RGL1: variants seen among roughly 807,000 people sequenced by gnomAD.
RGL1 encodes the protein ral guanine nucleotide dissociation stimulator like 1, also known as ral guanine nucleotide dissociation stimulator-like 1.
In RGL1, 24 loss-of-function variants were observed where a neutral mutation model predicts 95.2. The observed-to-expected ratio is 0.25, with a 90% CI of 0.18 to 0.35. RGL1 has a LOEUF of 0.35. Ranked by LOEUF, RGL1 falls within the 10% of genes least tolerant of loss-of-function variation. The probability of loss-of-function intolerance (pLI) is 1.00; values close to 1 mark genes in which losing one functional copy is unlikely to be tolerated. For missense variants in RGL1, 715 were observed against 936.3 expected, an observed-to-expected ratio of 0.76 and a Z score of 3.08; for synonymous variants, 329 against 344.9, an observed-to-expected ratio of 0.95 and a Z score of 0.51.
At chr1:183,844,780 G>C (rs549216406) in intron 2 of RGL1, among the ~76,000 whole-genome samples, 1 of 152,316 alleles carries the variant, frequency 6.6e-6, no homozygotes, top group East Asian at 1.9e-4. Flanking sequence ...ACCCTGATCT[G>C]AGTCAACAGT....
intron 2 of RGL1, among the ~76,000 whole-genome samples, chr1:183,786,226 A>G (rs1660172574): frequency 1.3e-5 from 2 of 152,222 alleles, no homozygotes; most frequent in African/African-American, 2.4e-5. Context: ...ACATAGCAAG[A>G]TCCCATCTCT....
chr1:183,799,469 C>T (rs1161544504), intron 2 of RGL1, among the ~76,000 whole-genome samples: 3 of 152,164 alleles, frequency 2.0e-5, no homozygotes, highest in African/African-American at 7.2e-5. Flanking sequence ...TCCTCACCAA[C>T]ACTTGTTTGT....
At chr1:183,841,671 C>T (rs1218852209) in intron 2 of RGL1, among the ~76,000 whole-genome samples, 1 of 152,128 alleles carries the variant, frequency 6.6e-6, no homozygotes, top group Admixed American at 6.5e-5. Context: ...GTGTATTGGC[C>T]TTGTCATGTT....
chr1:183,911,935 T>G, intron 14 of RGL1, 147 bp from the exon 15 acceptor site: 2 of 686,966 alleles, frequency 2.9e-6, no homozygotes, highest in African/African-American at 1.8e-5. Context: ...TGTTAGAAAC[T>G]TTATAGCGAA....
intron 9 of RGL1, among the ~76,000 whole-genome samples, chr1:183,894,691 T>A (rs1359413473): frequency 2.0e-5 from 3 of 152,174 alleles, no homozygotes; most frequent in Non-Finnish European, 4.4e-5. Flanking sequence ...TATAATAGTT[T>A]CATTTTATTT....
intron 3 of RGL1, among the ~76,000 whole-genome samples, chr1:183,853,197 G>C (rs758709589): frequency 3.3e-5 from 5 of 152,130 alleles, no homozygotes; most frequent in Non-Finnish European, 5.9e-5. Context: ...TTAGCTGGGC[G>C]TGGTGGTGCA....
At position 183,926,499 on chromosome 1, in the gene RGL1, G is replaced by A. The variant is rs1669625011; in HGVS notation, c.*207G>A. On this transcript the variant is annotated 3_prime_UTR_variant, in exon 18 of 18. Transcript: ENST00000360851. Reference sequence around the variant, plus strand: ...ACATGAAAAGGATGAACGATTCACTGATTCTCTTTGACTCATTTGAGACTA... The same window carrying A: ...ACATGAAAAGGATGAACGATTCACTAATTCTCTTTGACTCATTTGAGACTA... 2.4e-6 allele frequency: 1 copy of A among 412,264 alleles called. No homozygotes were observed. 25.5% of individuals were successfully genotyped at this position (412,264 alleles called of 1,614,324 possible). A position where few individuals can be genotyped will look rare whatever the true frequency, so the allele number is the denominator to read the frequency against.
At chr1:183,718,268 G>A (rs114804740) in intron 1 of RGL1, among the ~76,000 whole-genome samples, 2,016 of 151,080 alleles carry the variant, frequency 0.013, 46 homozygotes, top group African/African-American at 0.047. Flanking sequence ...GAGAGAGCTT[G>A]TTTATGTATA....
intron 1 of RGL1, among the ~76,000 whole-genome samples, chr1:183,660,612 G>C (rs979552511): frequency 6.6e-6 from 1 of 151,482 alleles, no homozygotes; most frequent in Non-Finnish European, 1.5e-5. Flanking sequence ...AATAATGGGA[G>C]ACTTTAACAC....
upstream of RGL1, among the ~76,000 whole-genome samples, chr1:183,803,628 T>C (rs796178876): frequency 3.3e-5 from 5 of 152,330 alleles, no homozygotes; most frequent in African/African-American, 1.2e-4. Context: ...CTGCTTAATA[T>C]CCCTGAAATG....
chr1:183,660,855 GTC>G, intron 1 of RGL1, among the ~76,000 whole-genome samples: 1 of 152,228 alleles, frequency 6.6e-6, no homozygotes, highest in East Asian at 1.9e-4. Context: ...ATAACAAACT[GTC>G]TCTCAGACCA....
intron 1 of RGL1, among the ~76,000 whole-genome samples, chr1:183,728,401 A>C (rs1656431773): frequency 6.6e-6 from 1 of 152,174 alleles, no homozygotes; most frequent in South Asian, 2.1e-4. Context: ...ATACATATAT[A>C]GTTGGTTCTG....
intron 12 of RGL1, among the ~76,000 whole-genome samples, chr1:183,903,504 T>C (rs1464311447): frequency 1.3e-5 from 2 of 152,154 alleles, no homozygotes; most frequent in Non-Finnish European, 2.9e-5. Flanking sequence ...CCTGTAGTAC[T>C]CTCGTTATTT....
chr1:183,826,514 C>A (rs547355672), intron 2 of RGL1, among the ~76,000 whole-genome samples: 1 of 152,116 alleles, frequency 6.6e-6, no homozygotes, highest in Non-Finnish European at 1.5e-5. Flanking sequence ...AGAACAGCAC[C>A]TAGCCGATGG....
chr1:183,895,842 C>T (rs542209374), intron 9 of RGL1, among the ~76,000 whole-genome samples: 7 of 152,288 alleles, frequency 4.6e-5, no homozygotes, highest in Admixed American at 2.0e-4. Context: ...ATCTCATTCT[C>T]ATGAAATCAT....
At chr1:183,838,777 A>G (rs1172332517) in intron 2 of RGL1, among the ~76,000 whole-genome samples, 2 of 152,232 alleles carry the variant, frequency 1.3e-5, no homozygotes, top group Non-Finnish European at 2.9e-5. Flanking sequence ...GGGCAGGGGT[A>G]TGCTGATAAA....
intron 1 of RGL1, among the ~76,000 whole-genome samples, chr1:183,710,436 G>A (rs1655191334): frequency 6.6e-6 from 1 of 152,140 alleles, no homozygotes; most frequent in Non-Finnish European, 1.5e-5. Flanking sequence ...CTCCTGAAAG[G>A]CATGACTAGG....
At chr1:183,858,170 T>C (rs1170556209) in intron 3 of RGL1, among the ~76,000 whole-genome samples, 2 of 152,036 alleles carry the variant, frequency 1.3e-5, no homozygotes, top group African/African-American at 4.8e-5. Flanking sequence ...TGAAATGTAA[T>C]GGGTGGTAAC....
intron 1 of RGL1, among the ~76,000 whole-genome samples, chr1:183,656,234 T>C (rs1651156285): frequency 6.6e-6 from 1 of 152,238 alleles, no homozygotes; most frequent in Non-Finnish European, 1.5e-5. Context: ...TGTTCTGCTC[T>C]TTCCCCGTGG....
Sources: gnomAD v4.1 joint callset for allele counts (sites outside exome capture counted in the v4.1 genomes callset) on GRCh38, gnomAD v4.1.1 for gene constraint, MANE v1.5 for transcripts, NCBI Gene and HGNC (gene_info 2026-07-23, HGNC 2026-07-21) for gene names.